The following PTPRZ1 variants were observed in gnomAD, a reference collection of about 807,000 sequenced individuals.
The protein encoded by PTPRZ1 is protein tyrosine phosphatase receptor type Z1.
PTPRZ1 carries 82 observed loss-of-function variants against 214.1 expected under a neutral mutation model. The ratio of observed to expected loss-of-function variants is 0.38; its 90% CI spans 0.32 to 0.46. The LOEUF is 0.46. Among genes scored for constraint, PTPRZ1 ranks in the 20% least tolerant of loss-of-function variants. The probability of loss-of-function intolerance (pLI) is 1.00; values close to 1 mark genes in which losing one functional copy is unlikely to be tolerated. For missense variants in PTPRZ1, 2,603 were observed against 2,748.7 expected (o/e 0.95, Z 1.19); for synonymous variants, 945 against 987.9 (o/e 0.96, Z 0.81).
intron 2 of PTPRZ1, among the ~76,000 whole-genome samples, chr7:121,958,727 C>T (rs1349603489): frequency 6.6e-6 from 1 of 152,186 alleles, no homozygotes; most frequent in Non-Finnish European, 1.5e-5. Flanking sequence ...ATGTCCCCGT[C>T]GGGATTTTAG....
intron 8 of PTPRZ1, among the ~76,000 whole-genome samples, chr7:121,993,718 GT>G (rs1798044249): frequency 6.6e-6 from 1 of 151,980 alleles, no homozygotes; most frequent in Admixed American, 6.6e-5. Context: ...ACCAAATAGT[GT>G]GTATGGAATT....
chr7:121,908,726 A>C (rs10236018), intron 1 of PTPRZ1: 52,605 of 482,184 alleles, frequency 0.11, 3,173 homozygotes, highest in East Asian at 0.18. Context: ...AAATGTTTTC[A>C]ATAAGTACAT....
At chr7:121,955,779 G>A (rs1196482) in intron 2 of PTPRZ1, among the ~76,000 whole-genome samples, 29,620 of 152,036 alleles carry the variant, frequency 0.19, 3,047 homozygotes, top group Admixed American at 0.24. Context: ...CTTCTGAAGT[G>A]GTGTCTTGTC....
intron 2 of PTPRZ1, among the ~76,000 whole-genome samples, chr7:121,940,681 T>G (rs1304680563): frequency 1.3e-5 from 2 of 152,164 alleles, no homozygotes; most frequent in African/African-American, 4.8e-5. Flanking sequence ...CTCAATAAAA[T>G]TATTATTTAA....
intron 1 of PTPRZ1, among the ~76,000 whole-genome samples, chr7:121,919,465 A>T (rs1266141754): frequency 6.6e-6 from 1 of 152,054 alleles, no homozygotes; most frequent in East Asian, 1.9e-4. Context: ...TTCATTATAC[A>T]TTTCTCTATA....
At chr7:121,896,246 T>C (rs1178933904) in intron 1 of PTPRZ1, among the ~76,000 whole-genome samples, 1 of 152,228 alleles carries the variant, frequency 6.6e-6, no homozygotes, top group Non-Finnish European at 1.5e-5. Flanking sequence ...ATAGAATTGT[T>C]AATTATATGC....
At chr7:121,877,632 C>G (rs903406325) in intron 1 of PTPRZ1, among the ~76,000 whole-genome samples, 1 of 152,134 alleles carries the variant, frequency 6.6e-6, no homozygotes, top group Admixed American at 6.5e-5. Context: ...CCATGCTAGG[C>G]GCTGATAATT....
At chr7:121,945,051 G>A (rs1167095414) in intron 2 of PTPRZ1, among the ~76,000 whole-genome samples, 7 of 152,186 alleles carry the variant, frequency 4.6e-5, no homozygotes, top group Admixed American at 3.9e-4. Flanking sequence ...TTATCTGTCA[G>A]TTCCCATTAC....
chr7:122,044,865 A>G (rs1284734308), intron 23 of PTPRZ1, among the ~76,000 whole-genome samples: 1 of 152,154 alleles, frequency 6.6e-6, no homozygotes, highest in Non-Finnish European at 1.5e-5. Flanking sequence ...AAGAACTTGT[A>G]AAACATACTA....
At chr7:121,912,693 G>C (rs1425081851) in intron 1 of PTPRZ1, among the ~76,000 whole-genome samples, 1 of 152,166 alleles carries the variant, frequency 6.6e-6, no homozygotes, top group Non-Finnish European at 1.5e-5. Flanking sequence ...GGAGAAGGTA[G>C]GAGGATGGGA....
intron 2 of PTPRZ1, among the ~76,000 whole-genome samples, chr7:121,937,875 G>A (rs1047403326): frequency 6.6e-6 from 1 of 152,150 alleles, no homozygotes; most frequent in Non-Finnish European, 1.5e-5. Context: ...GATCCTTAAA[G>A]TGTAGAGATC....
At chr7:121,958,873 G>C (rs1292499836) in intron 2 of PTPRZ1, among the ~76,000 whole-genome samples, 1 of 152,088 alleles carries the variant, frequency 6.6e-6, no homozygotes, top group Non-Finnish European at 1.5e-5. Context: ...GCCCAGGCTG[G>C]AGTGCAGTGG....
intron 11 of PTPRZ1, among the ~76,000 whole-genome samples, chr7:122,005,835 T>A (rs1798469348): frequency 6.6e-6 from 1 of 152,006 alleles, no homozygotes; most frequent in African/African-American, 2.4e-5. Flanking sequence ...GTATTACACA[T>A]CACAGACTTT....
At chr7:121,941,283 G>A (rs1298725605) in intron 2 of PTPRZ1, among the ~76,000 whole-genome samples, 1 of 152,200 alleles carries the variant, frequency 6.6e-6, no homozygotes, top group African/African-American at 2.4e-5. Flanking sequence ...TTGGACCTGG[G>A]TTTTGACTCC....
chr7:122,039,712 A>T, intron 20 of PTPRZ1, 124 bp downstream of exon 20: 2 of 1,246,832 alleles, frequency 1.6e-6, no homozygotes, highest in Non-Finnish European at 2.2e-6. Flanking sequence ...AAATTCTTGT[A>T]ACCAGGCCAG....
intron 1 of PTPRZ1, among the ~76,000 whole-genome samples, chr7:121,896,789 A>AT (rs1416416757): frequency 6.6e-6 from 1 of 151,798 alleles, no homozygotes; most frequent in African/African-American, 2.4e-5. Context: ...AAAAAAAAAA[A>AT]GAAACAAGAA....
At chr7:121,978,061 C>T (rs1425367706) in intron 6 of PTPRZ1, among the ~76,000 whole-genome samples, 3 of 152,082 alleles carry the variant, frequency 2.0e-5, no homozygotes, top group African/African-American at 4.8e-5. Context: ...TTGGGGGTGC[C>T]TTGGAAGGCA....
Position 122,044,584 on chromosome 7 carries a change from A to G in PTPRZ1, c.6084+16A>G. ...ACAATTCCAGGTGAGTCCTCTTGGA[A>G]GCCTCTTGGATGTCACTACAGAACT... On this transcript the variant is annotated intron_variant, in intron 23 of 29. Transcript: ENST00000393386. 6.2e-7 allele frequency: 1 copy of G among 1,611,756 alleles called. No individual in the cohort carries two copies. The highest frequency in any genetic ancestry group is 8.5e-7 in the Non-Finnish European group (1 of 1,178,746).
chr7:121,890,198 A>G (rs1794544713), intron 1 of PTPRZ1, among the ~76,000 whole-genome samples: 1 of 152,202 alleles, frequency 6.6e-6, no homozygotes, highest in African/African-American at 2.4e-5. Flanking sequence ...TATGTAACAC[A>G]GTTCTCAAAC....
Sources: gnomAD v4.1 joint callset for allele counts (sites outside exome capture counted in the v4.1 genomes callset) on GRCh38, gnomAD v4.1.1 for gene constraint, MANE v1.5 for transcripts, NCBI Gene and HGNC (gene_info 2026-07-23, HGNC 2026-07-21) for gene names.